RBFOX1: variants seen among roughly 807,000 people sequenced by gnomAD.
RBFOX1 encodes the protein RNA binding fox-1 homolog 1.
Under a neutral mutation model 57.7 loss-of-function variants are expected in RBFOX1, and 8 were observed. The ratio of observed to expected loss-of-function variants is 0.14; its 90% CI spans 0.08 to 0.25. The LOEUF is 0.25. Ranked by LOEUF, RBFOX1 falls within the 10% of genes least tolerant of loss-of-function variation. RBFOX1 has a pLI of 1.00. For synonymous variants in RBFOX1, 326 were observed against 222.4 expected (o/e 1.47, Z -4.15); for missense variants, 611 against 548.5 (o/e 1.11, Z -1.14).
At chr16:5,887,812 A>G (rs1442849055) in intron 4 of RBFOX1, among the ~76,000 whole-genome samples, 2 of 152,188 alleles carry the variant, frequency 1.3e-5, no homozygotes, top group East Asian at 3.9e-4. Flanking sequence ...AATTCTGAGC[A>G]GTCTTAGTTC....
intron 4 of RBFOX1, among the ~76,000 whole-genome samples, chr16:7,070,561 A>G (rs764546434): frequency 2.6e-5 from 4 of 152,206 alleles, no homozygotes; most frequent in Non-Finnish European, 4.4e-5. Context: ...TGAATTAAAC[A>G]CTGAACTCTT....
intron 1 of RBFOX1, among the ~76,000 whole-genome samples, chr16:5,420,885 CTCCTCCTCTCCCTCCTCCTCT>C (rs2067301586): frequency 1.5e-5 from 2 of 131,942 alleles, no homozygotes; most frequent in Admixed American, 1.5e-4. Flanking sequence ...CTCCCTCCCC[CTCCTCCTCTCCCTCCTCCTCT>C]GCCTCCCTCC....
At chr16:7,471,161 T>G (rs2061489631) in intron 4 of RBFOX1, among the ~76,000 whole-genome samples, 1 of 152,200 alleles carries the variant, frequency 6.6e-6, no homozygotes, top group African/African-American at 2.4e-5. Context: ...GGATTTTCTA[T>G]GATTTGTGAA....
In RBFOX1 at chr16:6,915,914, T is replaced by A. The variant is rs577270916; in HGVS notation, c.-15-136143T>A. 2.1e-4 allele frequency among the ~76,000 whole-genome samples: 32 copies of A among 152,240 alleles called. 1 individual carries two copies. The South Asian group carries it at 5.4e-3, about 26-fold the overall frequency. ...GGACATGTTCCGTGAAAGGGCCGTA[T>A]TTGCAAAGTGGTCCCCAAATGCTGA... On this transcript the variant is annotated intron_variant, in intron 3 of 15. Coordinates refer to ENST00000550418, the MANE Select transcript of RBFOX1 (RefSeq NM_018723.4).
At chr16:6,070,693 C>G (rs76310630) in intron 1 of RBFOX1, among the ~76,000 whole-genome samples, 7,441 of 151,952 alleles carry the variant, frequency 0.049, 477 homozygotes, top group African/African-American at 0.15. Flanking sequence ...GAAACATTTG[C>G]TCATATGCTG....
At position 7,154,179 on chromosome 16, in the gene RBFOX1, C is replaced by G. The variant is rs1601228068; in HGVS notation, c.27+102081C>G. On this transcript the variant is annotated intron_variant, in intron 4 of 15. Transcript: ENST00000550418. ...TTATTTGTTGAGCACCTATGATGTG[C>G]CAAGTGTTGTGAGACTAAGAAATAA... Among the ~76,000 whole-genome samples the G allele has an allele frequency of 2.6e-5, 4 of 152,228 alleles. No individual in the cohort carries two copies. In the South Asian group the frequency reaches 8.3e-4, roughly 32 times the overall value.
chr16:5,675,263 G>GA (rs2050131136), intron 3 of RBFOX1, among the ~76,000 whole-genome samples: 1 of 152,146 alleles, frequency 6.6e-6, no homozygotes, highest in African/African-American at 2.4e-5. Flanking sequence ...CATAGAAAGA[G>GA]AGTGAAAACA....
chr16:7,340,866 C>G (rs2096877873), intron 4 of RBFOX1, among the ~76,000 whole-genome samples: 1 of 152,164 alleles, frequency 6.6e-6, no homozygotes, highest in South Asian at 2.1e-4. Flanking sequence ...AAAAGGGTGT[C>G]TTGCTGCAGC....
intron 4 of RBFOX1, among the ~76,000 whole-genome samples, chr16:7,451,198 A>G (rs548020275): frequency 6.6e-6 from 1 of 152,172 alleles, no homozygotes; most frequent in Non-Finnish European, 1.5e-5. Context: ...TCGGATTTCT[A>G]TGGAGGCTTT....
At chr16:7,330,197 T>C (rs1375245543) in intron 4 of RBFOX1, among the ~76,000 whole-genome samples, 1 of 152,096 alleles carries the variant, frequency 6.6e-6, no homozygotes, top group East Asian at 1.9e-4. Flanking sequence ...AGATGCTCAG[T>C]CCCTGATATA....
intron 3 of RBFOX1, among the ~76,000 whole-genome samples, chr16:6,720,237 A>G (rs549343235): frequency 3.1e-4 from 47 of 152,020 alleles, no homozygotes; most frequent in African/African-American, 1.1e-3. Flanking sequence ...AATACTGCTG[A>G]ATGTTCAAGA....
At chr16:6,754,854 C>T (rs796459921) in intron 3 of RBFOX1, among the ~76,000 whole-genome samples, 51 of 152,022 alleles carry the variant, frequency 3.4e-4, no homozygotes, top group African/African-American at 1.2e-3. Flanking sequence ...TCCCTCCCCT[C>T]TCCCCCCACC....
chr16:7,337,788 G>A lies in RBFOX1; in HGVS notation c.28-180359G>A, dbSNP rs542740687. On this transcript the variant is annotated intron_variant, in intron 4 of 15. Transcript: ENST00000550418. ...CAACCTCCACCTCCCAGGTTCAAGCGATTCTCCTGCCTCAGCCTCCCAAGT... is the reference window on the plus strand; with the variant it reads ...CAACCTCCACCTCCCAGGTTCAAGCAATTCTCCTGCCTCAGCCTCCCAAGT... 3.1e-3 allele frequency among the ~76,000 whole-genome samples: 475 copies of A among 152,204 alleles called. 3 individuals are homozygous for A. The highest frequency in any genetic ancestry group is 0.011 in the African/African-American group (452 of 41,540).
chr16:6,128,212 A>G (rs1199845818), intron 1 of RBFOX1, among the ~76,000 whole-genome samples: 2 of 152,210 alleles, frequency 1.3e-5, no homozygotes, highest in East Asian at 1.9e-4. Context: ...ATTGGGTTAA[A>G]TTCAATATAT....
chr16:5,678,470 A>G (rs1345764528), intron 3 of RBFOX1, among the ~76,000 whole-genome samples: 1 of 152,222 alleles, frequency 6.6e-6, no homozygotes, highest in Non-Finnish European at 1.5e-5. Flanking sequence ...GATTTAGGGC[A>G]TATGTGCAAG....
rs958002222 is a variant in RBFOX1 at position 6,672,240 on chromosome 16, C to T, written c.-16+17590C>T. Reference sequence around the variant, plus strand: ...AAATATAATCATTTCTTATAATCCACCACCATAACGCTTAGAGTCCATTGG... The same window carrying T: ...AAATATAATCATTTCTTATAATCCATCACCATAACGCTTAGAGTCCATTGG... On this transcript the variant is annotated intron_variant, in intron 3 of 15. Transcript: ENST00000550418. 2.6e-5 allele frequency among the ~76,000 whole-genome samples: 4 copies of T among 152,104 alleles called. 1 individual carries two copies. Among genetic ancestry groups the T allele is most frequent in the Non-Finnish European group, 1.5e-5 (1 of 68,030 alleles).
chr16:6,816,516 C>T (rs2090101457), intron 3 of RBFOX1, among the ~76,000 whole-genome samples: 1 of 150,502 alleles, frequency 6.6e-6, no homozygotes, highest in African/African-American at 2.4e-5. Context: ...CCAAGGCGGA[C>T]AGATCACAGG....
chr16:7,518,194 C>T lies in RBFOX1; in HGVS notation c.75C>T (p.Tyr25=), dbSNP rs2076783181. ...CCCCTGACACAATGGCTCAGCCTTA[C>T]GCTTCGGCCCAGTTTGCTCCCCCGC... ...AAAPDTMAQP[Y]ASAQFAPPQN... is the part of the protein sequence containing the mutation. The change falls in exon 5 of 16, where the codon TAC becomes TAT. Residue 25 remains tyrosine, a synonymous_variant. Coordinates refer to ENST00000550418, the MANE Select transcript of RBFOX1 (RefSeq NM_018723.4). 5.0e-6 allele frequency: 8 copies of T among 1,614,038 alleles called. No individual in the cohort carries two copies. Among genetic ancestry groups the T allele is most frequent in the South Asian group, 1.1e-5 (1 of 91,060 alleles).
chr16:7,049,688 C>A (rs982153), intron 3 of RBFOX1, among the ~76,000 whole-genome samples: 66,028 of 151,630 alleles, frequency 0.44, 17,629 homozygotes, highest in South Asian at 0.62. Flanking sequence ...TCGTTTTGTT[C>A]CCCCCTCCAC....
Sources: allele counts gnomAD v4.1 joint callset (sites outside exome capture counted in the v4.1 genomes callset), GRCh38; gene constraint gnomAD v4.1.1; transcripts MANE v1.5; gene names NCBI Gene and HGNC (gene_info 2026-07-23, HGNC 2026-07-21).